The following FSHR variants were observed in gnomAD, a reference collection of about 807,000 sequenced individuals.
FSHR encodes follicle-stimulating hormone receptor.
A neutral mutation model predicts 52.1 loss-of-function variants in FSHR; 46 were observed. The ratio of observed to expected loss-of-function variants is 0.88; its 90% CI spans 0.70 to 1.13. The LOEUF (loss-of-function observed/expected upper bound fraction) is 1.13. Among genes scored for constraint, FSHR ranks in the 50% most tolerant of loss-of-function variants. FSHR has a pLI of 0.00. For synonymous variants in FSHR, 399 were observed against 309.6 expected (o/e 1.29, Z -3.03); for missense variants, 964 against 834.6 (o/e 1.16, Z -1.91).
chr2:49,018,099 A>C (rs1414734036), intron 3 of FSHR, among the ~76,000 whole-genome samples: 1 of 152,200 alleles, frequency 6.6e-6, no homozygotes, highest in Non-Finnish European at 1.5e-5. Context: ...ATGGCAAAGA[A>C]AAAGAAAGTT....
Position 49,031,197 on chromosome 2 carries a change from G to A in FSHR, c.225-11037C>T, listed in dbSNP as rs540379667. On this transcript the variant is annotated intron_variant, in intron 2 of 9. Transcript: ENST00000406846. ...AGGATGGAGGGTACTGGCTCTGTGC[G>A]GAGGGAGAAGAGAAACCAGATCTCA... Among the ~76,000 whole-genome samples, 11 of 152,234 alleles carry A rather than the reference G, an allele frequency of 7.2e-5. No individual in the cohort carries two copies. The East Asian group carries it at 1.2e-3, about 16-fold the overall frequency.
intron 2 of FSHR, among the ~76,000 whole-genome samples, chr2:49,033,039 C>T (rs1443611327): frequency 2.0e-5 from 3 of 152,264 alleles, no homozygotes; most frequent in East Asian, 3.9e-4. Flanking sequence ...ATTATGTTTT[C>T]CTCTGTCACC....
intron 1 of FSHR, among the ~76,000 whole-genome samples, chr2:49,121,187 T>A (rs1011577): frequency 6.6e-6 from 1 of 151,994 alleles, no homozygotes; most frequent in African/African-American, 2.4e-5. Flanking sequence ...CAGACACTGC[T>A]GAGTGATTTC....
Position 48,989,062 on chromosome 2 carries a change from A to T in FSHR, c.447-8T>A, listed in dbSNP as rs1376580849. 1 of 1,609,028 alleles carries T rather than the reference A, an allele frequency of 6.2e-7. No homozygotes were observed. Among genetic ancestry groups the T allele is most frequent in the Admixed American group, 1.7e-5 (1 of 59,980 alleles). ...ATGTTATCTTGAATGTCACTAGAAGAAAGTACAGACAAATAAGATACTTAC... is the reference window on the plus strand; with the variant it reads ...ATGTTATCTTGAATGTCACTAGAAGTAAGTACAGACAAATAAGATACTTAC... On this transcript the variant is annotated splice_polypyrimidine_tract_variant and splice_region_variant and intron_variant, in intron 5 of 9. Coordinates refer to ENST00000406846, the MANE Select transcript of FSHR (RefSeq NM_000145.4).
At chr2:49,066,642 A>G (rs903721135) in intron 2 of FSHR, among the ~76,000 whole-genome samples, 3 of 152,092 alleles carry the variant, frequency 2.0e-5, no homozygotes. Flanking sequence ...GAACAAGTTG[A>G]GTTACTGAGC....
intron 4 of FSHR, among the ~76,000 whole-genome samples, chr2:49,015,956 T>C (rs2104205887): frequency 6.6e-6 from 1 of 152,254 alleles, no homozygotes; most frequent in South Asian, 2.1e-4. Context: ...GACAGTAACT[T>C]AGAAGCAGAT....
At chr2:48,968,564 C>T (rs535481876) in intron 9 of FSHR, 134 bp downstream of exon 9, 2 of 1,044,236 alleles carry the variant, frequency 1.9e-6, no homozygotes, top group African/African-American at 1.6e-5. Context: ...AATTTTTGAC[C>T]CAGAATGTGC....
At chr2:49,043,845 T>C (rs1668565312) in intron 2 of FSHR, among the ~76,000 whole-genome samples, 1 of 152,204 alleles carries the variant, frequency 6.6e-6, no homozygotes, top group Admixed American at 6.5e-5. Context: ...ATTATGACTT[T>C]GAATCTGTTT....
chr2:48,964,137 T>C lies in FSHR; in HGVS notation c.855-171A>G, dbSNP rs557757552. Among the ~76,000 whole-genome samples the C allele has an allele frequency of 3.9e-5, 6 of 152,092 alleles. No individual in the cohort carries two copies. The South Asian group carries it at 1.0e-3, about 26-fold the overall frequency. On this transcript the variant is annotated intron_variant, in intron 9 of 9. Coordinates refer to ENST00000406846, the MANE Select transcript of FSHR (RefSeq NM_000145.4). The stretch of plus-strand genomic sequence containing the variant: ...CCTCAAGGGTTAATGCTGCTTACTG[T>C]AAATGAATATAACAACTTGTATATA...
chr2:49,118,510 C>T (rs559996072), intron 1 of FSHR, among the ~76,000 whole-genome samples: 34 of 152,294 alleles, frequency 2.2e-4, no homozygotes, highest in Non-Finnish European at 2.9e-4. Context: ...AGGAATAATA[C>T]AGGGTGGTCA....
chr2:49,017,573 A>T lies in FSHR; in HGVS notation c.300-10T>A. ...GGCCTTTTCAATTCTACTGTAAAAGAAGAAAAAACATGCTAGTGATCTTGA... is the reference window on the plus strand; with the variant it reads ...GGCCTTTTCAATTCTACTGTAAAAGTAGAAAAAACATGCTAGTGATCTTGA... On this transcript the variant is annotated splice_polypyrimidine_tract_variant and intron_variant, in intron 3 of 9. Transcript: ENST00000406846. The T allele has an allele frequency of 1.3e-6, 2 of 1,599,204 alleles. No individual in the cohort carries two copies. The highest frequency in any genetic ancestry group is 1.7e-6 in the Non-Finnish European group (2 of 1,166,744).
intron 1 of FSHR, among the ~76,000 whole-genome samples, chr2:49,141,765 C>T (rs1558464717): frequency 7.2e-6 from 1 of 137,964 alleles, no homozygotes; most frequent in Non-Finnish European, 1.5e-5. Context: ...TATGTAAGTG[C>T]TCAGATGAAG....
chr2:49,014,851 CCTCTT>C, intron 4 of FSHR: 1 of 459,580 alleles, frequency 2.2e-6, no homozygotes, highest in Non-Finnish European at 4.5e-6. Context: ...TCTGGGGATG[CCTCTT>C]CATGTCCTAG....
chr2:49,064,434 T>C (rs1355269138), intron 2 of FSHR, among the ~76,000 whole-genome samples: 1 of 152,076 alleles, frequency 6.6e-6, no homozygotes, highest in East Asian at 1.9e-4. Context: ...TTCTGCCACG[T>C]AGGGACATGT....
At chr2:49,019,221 A>T (rs1364479012) in intron 3 of FSHR, among the ~76,000 whole-genome samples, 3 of 152,212 alleles carry the variant, frequency 2.0e-5, no homozygotes, top group Non-Finnish European at 4.4e-5. Context: ...GTTTTCCTAT[A>T]AGAAGCAAAC....
chr2:49,054,286 G>A (rs555040716), intron 2 of FSHR, among the ~76,000 whole-genome samples: 1 of 152,270 alleles, frequency 6.6e-6, no homozygotes, highest in South Asian at 2.1e-4. Flanking sequence ...CCATGTCTTG[G>A]CCTAAGAAAT....
At chr2:49,072,338 A>G (rs1257458169) in intron 1 of FSHR, among the ~76,000 whole-genome samples, 1 of 152,152 alleles carries the variant, frequency 6.6e-6, no homozygotes. Flanking sequence ...CTATAATGAA[A>G]ATACAACATG....
At chr2:49,012,442 G>C (rs921893893) in intron 4 of FSHR, among the ~76,000 whole-genome samples, 4 of 151,960 alleles carry the variant, frequency 2.6e-5, no homozygotes, top group African/African-American at 9.7e-5. Context: ...AGGTTCCTCA[G>C]TGAAGCATGA....
intron 2 of FSHR, among the ~76,000 whole-genome samples, chr2:49,037,634 A>C (rs538232598): frequency 2.1e-4 from 32 of 152,316 alleles, no homozygotes; most frequent in African/African-American, 7.2e-4. Context: ...CACGAATATA[A>C]AGTTAAGGTA....
Sources: gnomAD v4.1 joint callset for allele counts (sites outside exome capture counted in the v4.1 genomes callset) on GRCh38, gnomAD v4.1.1 for gene constraint, MANE v1.5 for transcripts, NCBI Gene and HGNC (gene_info 2026-07-23, HGNC 2026-07-21) for gene names.